Variants in SHANK2 observed in about 807,000 individuals in gnomAD.
SHANK2 encodes SH3 and multiple ankyrin repeat domains 2.
In SHANK2, 43 loss-of-function variants were observed where a neutral mutation model predicts 133.7. The observed-to-expected ratio is 0.32, with a 90% CI of 0.25 to 0.41. SHANK2 has a LOEUF of 0.41. Ranked by LOEUF, SHANK2 falls within the 10% of genes least tolerant of loss-of-function variation. The probability of loss-of-function intolerance (pLI) is 1.00; values close to 1 mark genes in which losing one functional copy is unlikely to be tolerated. For missense variants in SHANK2, 1,994 were observed against 2,235.8 expected, an observed-to-expected ratio of 0.89 and a Z score of 2.18; for synonymous variants, 1,017 against 952.8, an observed-to-expected ratio of 1.07 and a Z score of -1.24.
chr11:70,698,884 CT>C (rs1463182640), intron 14 of SHANK2, 121 bp from the exon 15 acceptor site: 3 of 705,456 alleles, frequency 4.3e-6, no homozygotes, highest in Non-Finnish European at 7.8e-6. Context: ...ATGCACTGTC[CT>C]GGGGAAGAGT....
chr11:70,648,572 A>C lies in SHANK2; in HGVS notation c.2061+11256T>G, dbSNP rs1158485621. On this transcript the variant is annotated intron_variant, in intron 17 of 25. Coordinates refer to ENST00000601538, the MANE Select transcript of SHANK2 (RefSeq NM_012309.5). ...TCAGGCAGATATGGGGGTAAAGTTT[A>C]CTCAAAATTTCCTAGGACCAGGGGT... Among the ~76,000 whole-genome samples, 5 of 152,160 alleles carry C rather than the reference A, an allele frequency of 3.3e-5. No individual in the cohort carries two copies. The South Asian group carries it at 1.0e-3, about 32-fold the overall frequency.
intron 1 of SHANK2, among the ~76,000 whole-genome samples, chr11:71,251,490 G>A (rs1371013681): frequency 2.0e-5 from 3 of 151,856 alleles, no homozygotes; most frequent in African/African-American, 4.8e-5. Flanking sequence ...CCCCGCGCCT[G>A]GCGCCCGGGG....
chr11:71,159,161 G>A lies in SHANK2; in HGVS notation c.-12-11823C>T, dbSNP rs147988509. Among the ~76,000 whole-genome samples, 83 of 152,340 alleles carry A rather than the reference G, an allele frequency of 5.4e-4. No homozygotes were observed. The East Asian group carries it at 0.012, about 21-fold the overall frequency. On this transcript the variant is annotated intron_variant, in intron 2 of 25. Coordinates refer to ENST00000601538, the MANE Select transcript of SHANK2 (RefSeq NM_012309.5). ...GGTCAGAAGTCCTAAATGAGTTTAT[G>A]GGGCTAAAGCCAAGGTGTTGTCAGA...
chr11:70,657,430 G>A (rs1555011900), intron 17 of SHANK2, among the ~76,000 whole-genome samples: 2 of 152,170 alleles, frequency 1.3e-5, no homozygotes, highest in African/African-American at 4.8e-5. Flanking sequence ...TAATATTCCG[G>A]TGGCAAAATC....
intron 17 of SHANK2, among the ~76,000 whole-genome samples, chr11:70,515,638 A>G (rs899560933): frequency 2.0e-4 from 1 of 5,064 alleles, no homozygotes; most frequent in Non-Finnish European, 1.9e-3. Context: ...TCGTTCCTTG[A>G]AAAAAAAAAA....
chr11:70,591,549 A>T (rs1425007827), intron 17 of SHANK2, among the ~76,000 whole-genome samples: 4 of 110,514 alleles, frequency 3.6e-5, no homozygotes, highest in Non-Finnish European at 5.7e-5. Flanking sequence ...AAAAAGAAAA[A>T]GAAAAAGAAA....
At chr11:70,911,093 A>G (rs1555078926) in intron 10 of SHANK2, 1 of 456,736 alleles carries the variant, frequency 2.2e-6, no homozygotes, top group African/African-American at 2.0e-5. Flanking sequence ...AAATCACTCC[A>G]CAGGCACAGG....
chr11:70,915,980 C>T (rs1555079807), intron 10 of SHANK2, among the ~76,000 whole-genome samples: 4 of 152,220 alleles, frequency 2.6e-5, no homozygotes, highest in Non-Finnish European at 5.9e-5. Context: ...CTGGACACTA[C>T]ACCCTCCACC....
At chr11:70,494,429 G>A (rs1203164362) in intron 21 of SHANK2, among the ~76,000 whole-genome samples, 1 of 152,180 alleles carries the variant, frequency 6.6e-6, no homozygotes, top group Non-Finnish European at 1.5e-5. Flanking sequence ...GAGTAGCTGG[G>A]ATTACAGGCG....
rs193162233 is a variant in SHANK2 at position 70,525,347 on chromosome 11, C to G, written c.2062-22416G>C. 3.2e-4 allele frequency among the ~76,000 whole-genome samples: 49 copies of G among 152,326 alleles called. No homozygotes were observed. The East Asian group carries it at 5.0e-3, about 16-fold the overall frequency. Reference sequence around the variant, plus strand: ...CCAGTCCCCAGGCTCACCCAAGGAACAGACTCTGTGGGTGGCAGCCCCTCT... The same window carrying G: ...CCAGTCCCCAGGCTCACCCAAGGAAGAGACTCTGTGGGTGGCAGCCCCTCT... On this transcript the variant is annotated intron_variant, in intron 17 of 25. Coordinates refer to ENST00000601538, the MANE Select transcript of SHANK2 (RefSeq NM_012309.5).
intron 6 of SHANK2, among the ~76,000 whole-genome samples, chr11:71,103,772 A>G (rs550459710): frequency 6.6e-6 from 1 of 151,698 alleles, no homozygotes; most frequent in South Asian, 2.1e-4. Context: ...TGCTGTCCTG[A>G]CAATTGTGAG....
intron 15 of SHANK2, among the ~76,000 whole-genome samples, chr11:70,689,703 C>T (rs990625308): frequency 2.6e-5 from 4 of 152,200 alleles, no homozygotes; most frequent in African/African-American, 4.8e-5. Flanking sequence ...GACACCTGAA[C>T]TTCCAGGCCT....
chr11:71,100,704 T>C (rs1306500802), intron 6 of SHANK2, among the ~76,000 whole-genome samples: 1 of 151,900 alleles, frequency 6.6e-6, no homozygotes, highest in African/African-American at 2.4e-5. Context: ...CCGTCTCTAC[T>C]AAAAATACAA....
At chr11:70,677,789 C>T (rs1352776295) in intron 15 of SHANK2, among the ~76,000 whole-genome samples, 2 of 152,210 alleles carry the variant, frequency 1.3e-5, no homozygotes, top group Admixed American at 6.5e-5. Context: ...GCTCTGCACT[C>T]GACCACCAAA....
chr11:70,796,824 T>A (rs1392067168), intron 14 of SHANK2, among the ~76,000 whole-genome samples: 1 of 152,232 alleles, frequency 6.6e-6, no homozygotes, highest in African/African-American at 2.4e-5. Context: ...GGATCCAAGA[T>A]GGCAGCTCAC....
At chr11:70,926,018 A>C (rs1555081529) in intron 10 of SHANK2, among the ~76,000 whole-genome samples, 1 of 152,144 alleles carries the variant, frequency 6.6e-6, no homozygotes, top group African/African-American at 2.4e-5. Flanking sequence ...TCCCATCTGT[A>C]ATCCACCAAT....
chr11:70,787,534 C>A (rs1555046940), intron 14 of SHANK2, among the ~76,000 whole-genome samples: 2 of 150,328 alleles, frequency 1.3e-5, no homozygotes, highest in Non-Finnish European at 1.5e-5. Flanking sequence ...CCACCACCAG[C>A]ATCAACACCA....
At chr11:70,829,554 G>A (rs528275519) in intron 11 of SHANK2, among the ~76,000 whole-genome samples, 12 of 152,234 alleles carry the variant, frequency 7.9e-5, no homozygotes, top group Admixed American at 4.6e-4. Flanking sequence ...GGGGGCATGC[G>A]CAGAAGACAG....
At chr11:70,672,220 T>G (rs1415391499) in intron 15 of SHANK2, among the ~76,000 whole-genome samples, 1 of 151,974 alleles carries the variant, frequency 6.6e-6, no homozygotes, top group Non-Finnish European at 1.5e-5. Context: ...CCCGCCACCA[T>G]GCCTGGCTAA....
Sources: allele counts gnomAD v4.1 joint callset (sites outside exome capture counted in the v4.1 genomes callset), GRCh38; gene constraint gnomAD v4.1.1; transcripts MANE v1.5; gene names NCBI Gene and HGNC (gene_info 2026-07-23, HGNC 2026-07-21).